HNF4A: variants seen among roughly 807,000 people sequenced by gnomAD.
HNF4A encodes the protein hepatocyte nuclear factor 4 alpha.
HNF4A carries 15 observed loss-of-function variants against 52.4 expected under a neutral mutation model. The ratio of observed to expected loss-of-function variants is 0.29; its 90% CI spans 0.19 to 0.44. HNF4A has a LOEUF of 0.44. HNF4A is among the 20% of genes least tolerant of loss of function. The pLI is 1.00. For synonymous variants in HNF4A, 280 were observed against 264.4 expected (o/e 1.06, Z -0.57); for missense variants, 479 against 647.2 (o/e 0.74, Z 2.82).
At chr20:44,404,939 C>CAT (rs2063472717) in intron 1 of HNF4A, among the ~76,000 whole-genome samples, 8 of 19,340 alleles carry the variant, frequency 4.1e-4, no homozygotes, top group East Asian at 3.2e-3. Flanking sequence ...GGTGTGTGTG[C>CAT]GTGTGTGGGA....
intron 1 of HNF4A, among the ~76,000 whole-genome samples, chr20:44,403,808 T>C (rs977397211): frequency 2.6e-5 from 4 of 151,916 alleles, no homozygotes; most frequent in African/African-American, 9.7e-5. Flanking sequence ...TCCTCATCTG[T>C]GGAATAGAGG....
chr20:44,405,287 A>AATTTTTTT (rs1245945094), intron 1 of HNF4A, among the ~76,000 whole-genome samples: 7 of 151,900 alleles, frequency 4.6e-5, no homozygotes, highest in African/African-American at 1.7e-4. Flanking sequence ...TAAATTTTTT[A>AATTTTTTT]AATTTTTTAA....
intron 4 of HNF4A, 60 bp from the exon 5 acceptor site, chr20:44,414,447 G>T: frequency 1.2e-6 from 2 of 1,610,590 alleles, no homozygotes; most frequent in South Asian, 2.2e-5. Flanking sequence ...CTGTGCAGGG[G>T]ACAGAGAGTG....
intron 1 of HNF4A, among the ~76,000 whole-genome samples, chr20:44,374,154 G>A (rs1176577222): frequency 3.3e-5 from 5 of 152,066 alleles, no homozygotes; most frequent in East Asian, 3.9e-4. Flanking sequence ...CTAGAAGTCC[G>A]CAGCGTCTAT....
chr20:44,385,573 A>G lies in HNF4A; in HGVS notation c.50-20485A>G, dbSNP rs147095241. Among the ~76,000 whole-genome samples the G allele has an allele frequency of 3.3e-5, 5 of 151,486 alleles. No individual in the cohort carries two copies. In the South Asian group the frequency reaches 1.0e-3, roughly 32 times the overall value. On this transcript the variant is annotated intron_variant, in intron 1 of 9. Coordinates refer to the HNF4A transcript ENST00000316673. Reference sequence around the variant, plus strand: ...AACCTCCGCCTCCCAGGTTCAAGCAATTCTCCTGCCCCAGCCTCCCAAGTA... The same window carrying G: ...AACCTCCGCCTCCCAGGTTCAAGCAGTTCTCCTGCCCCAGCCTCCCAAGTA...
intron 1 of HNF4A, among the ~76,000 whole-genome samples, chr20:44,358,361 G>A (rs538594595): frequency 6.6e-6 from 1 of 152,222 alleles, no homozygotes; most frequent in East Asian, 1.9e-4. Context: ...TGTAATCCCA[G>A]CACTTTGGGA....
intron 3 of HNF4A, among the ~76,000 whole-genome samples, chr20:44,408,805 C>T (rs2063540316): frequency 6.6e-6 from 1 of 152,240 alleles, no homozygotes; most frequent in East Asian, 1.9e-4. Flanking sequence ...CCCAGCTCTG[C>T]GACTAGTCCC....
At chr20:44,428,936 G>C (rs143082074) in intron 9 of HNF4A, among the ~76,000 whole-genome samples, 1 of 152,260 alleles carries the variant, frequency 6.6e-6, no homozygotes, top group Non-Finnish European at 1.5e-5. Flanking sequence ...CTCTTCAAAG[G>C]ATAAGATTAT....
chr20:44,386,230 C>T (rs868311733), intron 1 of HNF4A, among the ~76,000 whole-genome samples: 2 of 144,190 alleles, frequency 1.4e-5, no homozygotes, highest in East Asian at 2.0e-4. Context: ...TGCAATGGCA[C>T]GATCCCGGCT....
intron 1 of HNF4A, among the ~76,000 whole-genome samples, chr20:44,405,670 G>A (rs1174862218): frequency 1.3e-5 from 2 of 152,222 alleles, no homozygotes; most frequent in African/African-American, 4.8e-5. Context: ...CCCTTGGCAA[G>A]AACTGAGGGA....
At position 44,370,147 on chromosome 20, in the gene HNF4A, C is replaced by A. The variant is rs567297350; in HGVS notation, c.49+14294C>A. On this transcript the variant is annotated intron_variant, in intron 1 of 9. Transcript: ENST00000316673. ...GTTCACGCCATTCTCCCGCCTCAGCCCCCCCAAGTAGCTGGGACTACAGGC... is the reference window on the plus strand; with the variant it reads ...GTTCACGCCATTCTCCCGCCTCAGCACCCCCAAGTAGCTGGGACTACAGGC... Among the ~76,000 whole-genome samples the A allele has an allele frequency of 5.5e-4, 84 of 152,296 alleles. 2 individuals are homozygous for A. The highest frequency in any genetic ancestry group is 3.1e-3 in the South Asian group (15 of 4,828).
intron 1 of HNF4A, among the ~76,000 whole-genome samples, chr20:44,364,823 GC>G (rs1228964887): frequency 6.6e-6 from 1 of 152,124 alleles, no homozygotes; most frequent in Non-Finnish European, 1.5e-5. Context: ...TATGTAACAA[GC>G]AAATGCAGAC....
In HNF4A at chr20:44,373,575, A is replaced by G. The variant is rs115877325; in HGVS notation, c.49+17722A>G. ...GAAACAGTTAACTGGGGGAGGAGAA[A>G]TAAAACCAAACCCCTAAAAAGCCCC... On this transcript the variant is annotated intron_variant, in intron 1 of 9. Coordinates refer to the HNF4A transcript ENST00000316673. Among the ~76,000 whole-genome samples, 542 of 152,274 alleles carry G rather than the reference A, an allele frequency of 3.6e-3. 8 individuals are homozygous for G. Among genetic ancestry groups the G allele is most frequent in the African/African-American group, 0.012 (488 of 41,560 alleles).
intron 7 of HNF4A, among the ~76,000 whole-genome samples, chr20:44,421,877 T>TTA (rs906045827): frequency 2.0e-5 from 3 of 147,204 alleles, no homozygotes; most frequent in East Asian, 3.9e-4. Flanking sequence ...GATATATATT[T>TTA]TATATATATA....
rs900480505 is a variant in HNF4A, at chr20:44,361,216, C to T, written c.49+5363C>T. On this transcript the variant is annotated intron_variant, in intron 1 of 9. Coordinates refer to the HNF4A transcript ENST00000316673. ...TTTTTAAAACAATTTTGGGGCTCCA[C>T]TCCAGACCCAGTGAATCAGTCTCCT... Among the ~76,000 whole-genome samples, 4 of 152,258 alleles carry T rather than the reference C, an allele frequency of 2.6e-5. No individual in the cohort carries two copies. In the South Asian group the frequency reaches 8.3e-4, roughly 32 times the overall value.
chr20:44,413,266 T>C (rs1014941332), intron 3 of HNF4A, among the ~76,000 whole-genome samples: 1 of 152,184 alleles, frequency 6.6e-6, no homozygotes, highest in Non-Finnish European at 1.5e-5. Flanking sequence ...GATCCTCTTG[T>C]TCAGGAATCC....
intron 3 of HNF4A, 140 bp from the exon 4 acceptor site, chr20:44,413,554 T>A: frequency 1.4e-6 from 1 of 708,446 alleles, no homozygotes; most frequent in Non-Finnish European, 2.6e-6. Context: ...AGAGGCCATC[T>A]CCCCTCATTC....
intron 1 of HNF4A, among the ~76,000 whole-genome samples, chr20:44,367,138 C>T (rs983720791): frequency 4.6e-5 from 7 of 152,170 alleles, no homozygotes; most frequent in African/African-American, 1.7e-4. Flanking sequence ...GAGTTCAAGA[C>T]CAGCCTGACC....
intron 3 of HNF4A, among the ~76,000 whole-genome samples, chr20:44,409,973 G>A (rs946659661): frequency 1.3e-5 from 2 of 152,150 alleles, no homozygotes; most frequent in African/African-American, 4.8e-5. Context: ...AAGTAGCTGG[G>A]ATTACAGGCA....
Sources: allele counts gnomAD v4.1 joint callset (sites outside exome capture counted in the v4.1 genomes callset), GRCh38; gene constraint gnomAD v4.1.1; transcripts MANE v1.5; gene names NCBI Gene and HGNC (gene_info 2026-07-23, HGNC 2026-07-21).